GBP7: variants seen among roughly 807,000 people sequenced by gnomAD.
The protein encoded by GBP7 is guanylate-binding protein 7.
In GBP7, 43 loss-of-function variants were observed where a neutral mutation model predicts 61.3. The observed-to-expected ratio is 0.70, with a 90% CI of 0.55 to 0.91. The LOEUF is 0.91. GBP7 is among the 40% of genes least tolerant of loss of function. The pLI is 0.00. For synonymous variants in GBP7, 267 were observed against 271.0 expected (o/e 0.99, Z 0.14); for missense variants, 717 against 740.5 (o/e 0.97, Z 0.37).
intron 3 of GBP7, among the ~76,000 whole-genome samples, chr1:89,162,293 T>A (rs7528571): frequency 6.6e-6 from 1 of 152,152 alleles, no homozygotes; most frequent in Non-Finnish European, 1.5e-5. Context: ...TTAAAAACAG[T>A]TTTTTTCTAA....
At chr1:89,158,475 C>CA (rs1214526942) in intron 3 of GBP7, among the ~76,000 whole-genome samples, 1 of 152,134 alleles carries the variant, frequency 6.6e-6, no homozygotes, top group African/African-American at 2.4e-5. Context: ...TGTCTCAGCC[C>CA]AAAATCTCCT....
At chr1:89,137,144 A>G (rs1681825598) in intron 9 of GBP7, among the ~76,000 whole-genome samples, 1 of 152,012 alleles carries the variant, frequency 6.6e-6, no homozygotes, top group African/African-American at 2.4e-5. Context: ...AACAAGTTCC[A>G]AAATTGGGTC....
At chr1:89,147,886 G>T in intron 7 of GBP7, 107 bp from the exon 8 acceptor site, 1 of 1,128,364 alleles carries the variant, frequency 8.9e-7, no homozygotes, top group Non-Finnish European at 1.3e-6. Context: ...AGCAGGCTGA[G>T]TTACGGTGTA....
chr1:89,168,494 G>T (rs953590831), intron 2 of GBP7, among the ~76,000 whole-genome samples: 2 of 152,120 alleles, frequency 1.3e-5, no homozygotes, highest in Non-Finnish European at 2.9e-5. Context: ...GCAAACAAAA[G>T]AAAGGTAAAT....
chr1:89,138,026 C>CAA (rs1681847669), intron 9 of GBP7, among the ~76,000 whole-genome samples: 1 of 151,882 alleles, frequency 6.6e-6, no homozygotes, highest in South Asian at 2.1e-4. Flanking sequence ...AAAGTCAAAC[C>CAA]GAGAACACAA....
intron 9 of GBP7, among the ~76,000 whole-genome samples, chr1:89,136,950 A>G (rs1483472504): frequency 1.3e-5 from 2 of 152,086 alleles, no homozygotes; most frequent in Admixed American, 1.3e-4. Context: ...AAATAAACAC[A>G]ATAAAAAAAT....
At chr1:89,145,403 A>G (rs1570346260) in intron 8 of GBP7, among the ~76,000 whole-genome samples, 1 of 152,124 alleles carries the variant, frequency 6.6e-6, no homozygotes, top group Non-Finnish European at 1.5e-5. Context: ...ATTCAATAAT[A>G]CTTTATTTTA....
rs376160521 is a variant in GBP7 at position 89,142,380 on chromosome 1, A to G, written c.1366-732T>C. Among the ~76,000 whole-genome samples the G allele has an allele frequency of 3.6e-4, 55 of 152,290 alleles. 6 individuals are homozygous for G. The highest frequency in any genetic ancestry group is 8.5e-4 in the Admixed American group (13 of 15,292). On this transcript the variant is annotated intron_variant, in intron 8 of 10. Transcript: ENST00000294671. ...TGCTGCCTCAGCCTCCTGCATAGCC[A>G]GGACTACAGATGTGTGCCACCGCAG... is the stretch of plus-strand genomic sequence containing the variant.
Position 89,132,357 on chromosome 1 carries a change from G to C in GBP7, c.1709C>G (p.Ser570Trp). Residue 570 changes from serine to tryptophan, a missense_variant, in exon 11 of 11, where the codon TCG (serine) becomes TGG (tryptophan). Ser to Trp is a radical substitution (Grantham distance 177). Coordinates refer to ENST00000294671, the MANE Select transcript of GBP7 (RefSeq NM_207398.3). ...LTEGFKEIFE[S>W]LNEEINRLKE... ...CAGTCGATTAATCTCTTCATTTAAC[G>C]ACTCAAATATCTCTTTAAATCCTTC... 2 of 1,611,582 alleles carry C rather than the reference G, an allele frequency of 1.2e-6. No homozygotes were observed. The highest frequency in any genetic ancestry group is 8.5e-7 in the Non-Finnish European group (1 of 1,178,148).
intron 3 of GBP7, among the ~76,000 whole-genome samples, chr1:89,159,178 G>C (rs1682379277): frequency 1.3e-5 from 2 of 152,088 alleles, no homozygotes; most frequent in South Asian, 4.1e-4. Flanking sequence ...GCTGAAACTG[G>C]ATCCCTTCCT....
chr1:89,133,432 C>G lies in GBP7; in HGVS notation c.1488G>C (p.Glu496Asp), dbSNP rs767624706. The part of the protein sequence containing the change: ...KAIAAKQAKK[E>D]AAEKEQELLR... ...GCAGCTCCTGTTCCTTTTCAGCTGC[C>G]TCCTTCTTAGCCTGCTTAGCTGTTC... The change falls in exon 10 of 11, where the codon GAG becomes GAC. Residue 496 changes from glutamate to aspartate, a missense_variant. Glu to Asp is a conservative substitution (Grantham distance 45). Around this residue, in one of 3 missense-constraint regions of GBP7, gnomAD observed 312 missense variants for 310.1 expected, o/e 1.01. Coordinates refer to ENST00000294671, the MANE Select transcript of GBP7 (RefSeq NM_207398.3). The G allele has an allele frequency of 6.2e-7, 1 of 1,612,608 alleles. No individual in the cohort carries two copies. The highest frequency in any genetic ancestry group is 8.5e-7 in the Non-Finnish European group (1 of 1,179,384).
chr1:89,171,762 C>A lies in GBP7; in HGVS notation c.174G>T (p.Leu58=). Residue 58 remains leucine (L), a synonymous_variant, in exon 2 of 11, where the codon CTG becomes CTT. Transcript: ENST00000294671. The stretch of plus-strand genomic sequence containing the variant: ...GCCACTCACCTTTGTTCTTCCCAGC[C>A]AGCTTGTTCATTAGGTAGGATTTGC... The part of the protein sequence containing the change: ...RTGKSYLMNK[L]AGKNKGFPLG... 1 of 1,612,778 alleles carries A rather than the reference C, an allele frequency of 6.2e-7. No individual in the cohort carries two copies. The highest frequency in any genetic ancestry group is 8.5e-7 in the Non-Finnish European group (1 of 1,179,602).
intron 6 of GBP7, 99 bp downstream of exon 6, chr1:89,150,231 G>T: frequency 2.7e-6 from 3 of 1,123,870 alleles, no homozygotes; most frequent in Non-Finnish European, 2.6e-6. Flanking sequence ...TAACACAGAT[G>T]TTATCTCCTT....
At chr1:89,146,226 G>T (rs2100643606) in intron 8 of GBP7, among the ~76,000 whole-genome samples, 1 of 152,238 alleles carries the variant, frequency 6.6e-6, no homozygotes. Flanking sequence ...TTTAATAAAT[G>T]GTGGAATGGT....
At chr1:89,150,840 T>G (rs971703937) in intron 5 of GBP7, among the ~76,000 whole-genome samples, 3 of 152,208 alleles carry the variant, frequency 2.0e-5, no homozygotes, top group African/African-American at 7.2e-5. Flanking sequence ...TGTGGTTGGT[T>G]TCCTCAGCCA....
At chr1:89,137,349 C>T (rs1681829871) in intron 9 of GBP7, among the ~76,000 whole-genome samples, 1 of 151,810 alleles carries the variant, frequency 6.6e-6, no homozygotes, top group Non-Finnish European at 1.5e-5. Flanking sequence ...AGAGACACAA[C>T]AAAAAAAGAA....
chr1:89,160,028 G>A lies in GBP7; in HGVS notation c.318+4703C>T, dbSNP rs539302159. On this transcript the variant is annotated intron_variant, in intron 3 of 10. Transcript: ENST00000294671. ...CATATATACCATGGAATACCATGCA[G>A]CCATAGAAAAGGATGAGTTCATGTC... Among the ~76,000 whole-genome samples the A allele has an allele frequency of 3.9e-5, 6 of 152,332 alleles. No individual in the cohort carries two copies. In the East Asian group the frequency reaches 5.8e-4, roughly 15 times the overall value.
chr1:89,160,555 A>G (rs891962338), intron 3 of GBP7, among the ~76,000 whole-genome samples: 6 of 152,184 alleles, frequency 3.9e-5, no homozygotes, highest in African/African-American at 1.4e-4. Flanking sequence ...GAGTAGGGAT[A>G]ATAATAGTAC....
intron 7 of GBP7, 64 bp downstream of exon 7, chr1:89,149,228 G>T: frequency 7.3e-7 from 1 of 1,374,856 alleles, no homozygotes; most frequent in Non-Finnish European, 9.9e-7. Flanking sequence ...GCATTAAAAA[G>T]GTGGACTATA....
Sources: gnomAD v4.1 joint callset for allele counts (sites outside exome capture counted in the v4.1 genomes callset) on GRCh38, gnomAD v4.1.1 for gene constraint, gnomAD v4.1.1 regional missense constraint, MANE v1.5 for transcripts, NCBI Gene and HGNC (gene_info 2026-07-23, HGNC 2026-07-21) for gene names.